Variants in PLXDC2 observed in about 807,000 individuals in gnomAD.
PLXDC2 encodes the protein plexin domain-containing protein 2.
A neutral mutation model predicts 68.9 loss-of-function variants in PLXDC2; 40 were observed. The ratio of observed to expected loss-of-function variants is 0.58; its 90% confidence interval spans 0.45 to 0.76. PLXDC2 has a LOEUF of 0.76. Among genes scored for constraint, PLXDC2 ranks in the 30% least tolerant of loss-of-function variants. The probability of loss-of-function intolerance (pLI) is 0.00; values close to 1 mark genes in which losing one functional copy is unlikely to be tolerated. For missense variants in PLXDC2, 644 were observed against 661.9 expected (o/e 0.97, Z 0.30); for synonymous variants, 243 against 234.2 (o/e 1.04, Z -0.34).
chr10:20,140,359 C>T (rs979235859), intron 4 of PLXDC2, among the ~76,000 whole-genome samples: 1 of 147,774 alleles, frequency 6.8e-6, no homozygotes, highest in Non-Finnish European at 1.5e-5. Flanking sequence ...CTTAAATTAC[C>T]CCAAAAAATG....
intron 1 of PLXDC2, among the ~76,000 whole-genome samples, chr10:19,860,378 A>G (rs1837296416): frequency 6.6e-6 from 1 of 152,224 alleles, no homozygotes; most frequent in Admixed American, 6.5e-5. Flanking sequence ...TGCCTGGCAT[A>G]GGGTCCAATA....
rs138721944 is a variant in PLXDC2 at position 20,156,191 on chromosome 10, A to G, written c.784-8277A>G. ...TAAAATCCACACCAGAGTCTTGACTATCTTGAGTCCAATGGCACAAGCTTC... is the reference window on the plus strand; with the variant it reads ...TAAAATCCACACCAGAGTCTTGACTGTCTTGAGTCCAATGGCACAAGCTTC... On this transcript the variant is annotated intron_variant, in intron 6 of 13. Coordinates refer to ENST00000377252, the MANE Select transcript of PLXDC2 (RefSeq NM_032812.9). 5.3e-5 allele frequency among the ~76,000 whole-genome samples: 8 copies of G among 152,276 alleles called. No homozygotes were observed. In the East Asian group the frequency reaches 1.2e-3, roughly 22 times the overall value.
chr10:20,186,074 T>C (rs1362712014), intron 9 of PLXDC2, among the ~76,000 whole-genome samples: 1 of 151,968 alleles, frequency 6.6e-6, no homozygotes, highest in Non-Finnish European at 1.5e-5. Context: ...ACTATATAAG[T>C]TGAATGCCAA....
At chr10:20,158,062 G>C (rs1288973385) in intron 6 of PLXDC2, among the ~76,000 whole-genome samples, 1 of 149,798 alleles carries the variant, frequency 6.7e-6, no homozygotes, top group Non-Finnish European at 1.5e-5. Flanking sequence ...AAGCTACATT[G>C]TTTAAAAAAA....
At chr10:20,151,668 A>G (rs2131801813) in intron 6 of PLXDC2, among the ~76,000 whole-genome samples, 1 of 152,274 alleles carries the variant, frequency 6.6e-6, no homozygotes, top group South Asian at 2.1e-4. Flanking sequence ...AATCTTGCTT[A>G]TTAGACTTGT....
chr10:20,167,542 A>T (rs564286663), intron 7 of PLXDC2, among the ~76,000 whole-genome samples: 191 of 152,236 alleles, frequency 1.3e-3, no homozygotes, highest in Non-Finnish European at 1.9e-3. Flanking sequence ...GAATTTAAAT[A>T]CTTTGCCTCT....
At chr10:20,242,828 GCCT>G (rs1374826828) in intron 12 of PLXDC2, among the ~76,000 whole-genome samples, 1 of 152,136 alleles carries the variant, frequency 6.6e-6, no homozygotes, top group Admixed American at 6.5e-5. Flanking sequence ...TCCTGTCTCA[GCCT>G]CCTGAGTAGC....
intron 2 of PLXDC2, among the ~76,000 whole-genome samples, chr10:20,038,801 C>T (rs868442107): frequency 2.0e-5 from 3 of 152,154 alleles, no homozygotes; most frequent in Admixed American, 6.5e-5. Flanking sequence ...GTCCACACCT[C>T]ACTCCCTATA....
At chr10:19,948,796 T>G (rs1441701576) in intron 1 of PLXDC2, among the ~76,000 whole-genome samples, 1 of 152,082 alleles carries the variant, frequency 6.6e-6, no homozygotes, top group Non-Finnish European at 1.5e-5. Context: ...GCTGCCCATA[T>G]TATGTTTCAT....
intron 1 of PLXDC2, among the ~76,000 whole-genome samples, chr10:19,907,275 A>T (rs1231057892): frequency 6.6e-6 from 1 of 152,210 alleles, no homozygotes; most frequent in Admixed American, 6.5e-5. Flanking sequence ...AAACACTTTT[A>T]AAAAAGCTTA....
Position 20,125,500 on chromosome 10 carries a change from A to T in PLXDC2, c.542-17795A>T, listed in dbSNP as rs534787642. Reference sequence around the variant, plus strand: ...GCGGACCAGACTACTAAAACATCTGAGAAAATGTAGGCACGATCACAACTC... The same window carrying T: ...GCGGACCAGACTACTAAAACATCTGTGAAAATGTAGGCACGATCACAACTC... On this transcript the variant is annotated intron_variant, in intron 4 of 13. Transcript: ENST00000377252. Among the ~76,000 whole-genome samples the T allele has an allele frequency of 2.6e-5, 4 of 152,296 alleles. No homozygotes were observed. In the South Asian group the frequency reaches 8.3e-4, roughly 32 times the overall value.
intron 1 of PLXDC2, 147 bp downstream of exon 1, chr10:19,817,338 C>G (rs889370506): frequency 2.0e-5 from 14 of 696,130 alleles, no homozygotes; most frequent in Non-Finnish European, 3.4e-5. Context: ...ACTTAGGCTT[C>G]CCAAATGGGG....
chr10:19,917,936 C>A (rs1450321009), intron 1 of PLXDC2, among the ~76,000 whole-genome samples: 1 of 152,188 alleles, frequency 6.6e-6, no homozygotes, highest in African/African-American at 2.4e-5. Context: ...ACAGCACACA[C>A]TCTCCTGGTG....
intron 1 of PLXDC2, among the ~76,000 whole-genome samples, chr10:19,986,546 A>G (rs1276053484): frequency 4.9e-5 from 6 of 123,650 alleles, no homozygotes; most frequent in Non-Finnish European, 9.5e-5. Flanking sequence ...TTAAAAAAAA[A>G]ACAAAGAAAA....
chr10:20,258,693 G>C (rs1835773385), intron 13 of PLXDC2, among the ~76,000 whole-genome samples: 1 of 152,026 alleles, frequency 6.6e-6, no homozygotes, highest in Non-Finnish European at 1.5e-5. Flanking sequence ...GTGCAAATTT[G>C]TTTTCCTAAC....
At chr10:19,851,232 G>A (rs78054301) in intron 1 of PLXDC2, among the ~76,000 whole-genome samples, 1 of 152,104 alleles carries the variant, frequency 6.6e-6, no homozygotes, top group Non-Finnish European at 1.5e-5. Flanking sequence ...AAGGAATAAA[G>A]TAACATAGAT....
At chr10:20,022,709 T>G (rs1257663513) in intron 2 of PLXDC2, among the ~76,000 whole-genome samples, 1 of 152,126 alleles carries the variant, frequency 6.6e-6, no homozygotes, top group Non-Finnish European at 1.5e-5. Flanking sequence ...GTAACCAGAA[T>G]GAGCTTAGGA....
At chr10:20,193,863 C>T (rs1311442451) in intron 9 of PLXDC2, among the ~76,000 whole-genome samples, 5 of 151,930 alleles carry the variant, frequency 3.3e-5, no homozygotes, top group Non-Finnish European at 5.9e-5. Flanking sequence ...ATGGAATTAG[C>T]ATTTAGTAAT....
chr10:19,923,427 T>TA (rs1183625925), intron 1 of PLXDC2, among the ~76,000 whole-genome samples: 1 of 152,128 alleles, frequency 6.6e-6, no homozygotes, highest in African/African-American at 2.4e-5. Flanking sequence ...TATGTAAGAG[T>TA]AAAAATCAAA....
Sources: gnomAD v4.1 joint callset for allele counts (sites outside exome capture counted in the v4.1 genomes callset) on GRCh38, gnomAD v4.1.1 for gene constraint, MANE v1.5 for transcripts, NCBI Gene and HGNC (gene_info 2026-07-23, HGNC 2026-07-21) for gene names.